BYSL: variants seen among roughly 807,000 people sequenced by gnomAD.
The protein encoded by BYSL is bystin.
A neutral mutation model predicts 45.4 loss-of-function variants in BYSL; 21 were observed. The observed-to-expected ratio is 0.46, with a 90% CI of 0.33 to 0.67. BYSL has a LOEUF of 0.67. Ranked by LOEUF, BYSL falls within the 30% of genes least tolerant of loss-of-function variation. BYSL has a pLI of 0.02. For synonymous variants in BYSL, 215 were observed against 231.3 expected (o/e 0.93, Z 0.64); for missense variants, 522 against 578.5 (o/e 0.90, Z 1.00).
chr6:41,917,126 G>A (rs1775334896), upstream of BYSL, among the ~76,000 whole-genome samples: 1 of 152,084 alleles, frequency 6.6e-6, no homozygotes, highest in Admixed American at 6.6e-5. Context: ...TTTTGGCCAG[G>A]CGTGGTGGCT....
rs1295522779 is a variant in BYSL at position 41,921,520 on chromosome 6, C to G, written c.-43C>G. On this transcript the variant is annotated 5_prime_UTR_variant, in exon 1 of 7. Transcript: ENST00000230340. ...GCGCAAGCGCATCCTGGCCTTTCTT[C>G]AGTCCCCACGTGCGATCCTTCCCGG... 1.3e-6 allele frequency: 2 copies of G among 1,526,426 alleles called. No individual in the cohort carries two copies. Among genetic ancestry groups the G allele is most frequent in the East Asian group, 2.3e-5 (1 of 43,486 alleles). 94.6% of individuals were successfully genotyped at this position (1,526,426 alleles called of 1,614,324 possible). A position where few individuals can be genotyped will look rare whatever the true frequency, so the allele number is the denominator to read the frequency against.
the BYSL span, chr6:41,909,583 G>A: frequency 7.6e-6 from 12 of 1,583,790 alleles, no homozygotes; most frequent in Non-Finnish European, 1.7e-6. Flanking sequence ...CCAGAGTAGA[G>A]TCAAATGACT....
chr6:41,910,402 C>A, the BYSL span, among the ~76,000 whole-genome samples: 2 of 151,624 alleles, frequency 1.3e-5, no homozygotes, highest in African/African-American at 4.8e-5. Context: ...GAGGCTGAGG[C>A]GGGTGGATCA....
At chr6:41,916,283 AAAATAAAAT>A in the BYSL span, among the ~76,000 whole-genome samples, 1 of 151,640 alleles carries the variant, frequency 6.6e-6, no homozygotes, top group Non-Finnish European at 1.5e-5. Context: ...AAAATAAAAT[AAAATAAAAT>A]AAAGTGGCCG....
chr6:41,931,894 C>A, intron 6 of BYSL, 64 bp downstream of exon 6: 1 of 1,477,062 alleles, frequency 6.8e-7, no homozygotes, highest in Non-Finnish European at 9.5e-7. Flanking sequence ...ATTGCCAGGA[C>A]TTGGGAATGG....
intron 2 of BYSL, 53 bp downstream of exon 2, chr6:41,927,589 A>G: frequency 1.3e-6 from 2 of 1,596,338 alleles, no homozygotes; most frequent in South Asian, 2.2e-5. Flanking sequence ...CCCACAGGAA[A>G]ACAAGTTCCC....
chr6:41,912,118 A>C, the BYSL span, among the ~76,000 whole-genome samples: 26 of 150,110 alleles, frequency 1.7e-4, no homozygotes, highest in Admixed American at 6.7e-5. Context: ...GCATGAACAC[A>C]GCTCACTGAA....
upstream of BYSL, among the ~76,000 whole-genome samples, chr6:41,919,260 A>G (rs1482112882): frequency 1.3e-5 from 2 of 152,256 alleles, no homozygotes; most frequent in African/African-American, 2.4e-5. Flanking sequence ...CTTGATGTCC[A>G]TGCTCTTAAC....
At position 41,932,326 on chromosome 6, in the gene BYSL, C is replaced by G; in HGVS notation, c.969-35C>G. 2 of 1,576,150 alleles carry G rather than the reference C, an allele frequency of 1.3e-6. No homozygotes were observed. Among genetic ancestry groups the G allele is most frequent in the Non-Finnish European group, 1.7e-6 (2 of 1,158,826 alleles). ...GTAGGATCCTTCTTCCAATGTTTTCCCTGCTTACTCTACCCCACCTCCCTT... is the reference window on the plus strand; with the variant it reads ...GTAGGATCCTTCTTCCAATGTTTTCGCTGCTTACTCTACCCCACCTCCCTT... On this transcript the variant is annotated intron_variant, in intron 6 of 6. Coordinates refer to ENST00000230340, the MANE Select transcript of BYSL (RefSeq NM_004053.4). The surrounding 1 kb of genome is among the most constrained non-coding windows in gnomAD (Gnocchi z 4.7).
At chr6:41,909,634 A>G in the BYSL span, 58 of 1,480,400 alleles carry the variant, frequency 3.9e-5, no homozygotes, top group Non-Finnish European at 5.3e-5. Flanking sequence ...GCACTACCTC[A>G]GCAGTTCTTG....
upstream of BYSL, chr6:41,920,679 A>C (rs78677239): frequency 3.8e-6 from 1 of 261,574 alleles, no homozygotes; most frequent in Middle Eastern, 1.1e-3. Context: ...GGACTACAGG[A>C]GAATCGCTTG....
intron 1 of BYSL, among the ~76,000 whole-genome samples, chr6:41,922,349 G>C (rs1005716807): frequency 6.6e-6 from 1 of 152,238 alleles, no homozygotes; most frequent in Non-Finnish European, 1.5e-5. Context: ...AAACGAATGG[G>C]AAGTGTTATG....
chr6:41,914,295 G>A, the BYSL span, among the ~76,000 whole-genome samples: 2 of 152,198 alleles, frequency 1.3e-5, no homozygotes, highest in African/African-American at 4.8e-5. Flanking sequence ...CAGAGGGAGA[G>A]GAACACTGTG....
chr6:41,931,853 G>C (rs1448401643), intron 6 of BYSL, 23 bp downstream of exon 6: 3 of 1,596,592 alleles, frequency 1.9e-6, no homozygotes, highest in Non-Finnish European at 2.6e-6. Flanking sequence ...GGGGTGGAAG[G>C]GGGCTGGTCA....
chr6:41,929,859 G>A (rs1775612494), intron 2 of BYSL, among the ~76,000 whole-genome samples: 1 of 152,226 alleles, frequency 6.6e-6, no homozygotes, highest in South Asian at 2.1e-4. Context: ...TTGAACCTGG[G>A]CAGACTGACT....
upstream of BYSL, chr6:41,921,228 C>T (rs957733088): frequency 1.5e-6 from 1 of 667,652 alleles, no homozygotes; most frequent in Admixed American, 3.2e-5. Flanking sequence ...ACATCATCTG[C>T]GGATTCCCGC....
intron 1 of BYSL, among the ~76,000 whole-genome samples, chr6:41,925,381 T>G (rs78398256): frequency 7.8e-4 from 118 of 151,370 alleles, no homozygotes; most frequent in Non-Finnish European, 1.3e-3. Flanking sequence ...TTTTTTTTTT[T>G]AAGACGGAGT....
chr6:41,930,459 G>T (rs899991493), intron 3 of BYSL, 176 bp from the exon 4 acceptor site: 51 of 1,206,840 alleles, frequency 4.2e-5, no homozygotes, highest in Non-Finnish European at 5.5e-5. Flanking sequence ...TCCTTGGGTC[G>T]GTTACTGGAA....
At chr6:41,931,613 A>G (rs2127386764) in intron 5 of BYSL, 57 bp downstream of exon 5, 1 of 1,612,816 alleles carries the variant, frequency 6.2e-7, no homozygotes, top group East Asian at 2.2e-5. Context: ...TGGGGAACAC[A>G]GCAGGCCTGG....
Sources: gnomAD v4.1 joint callset for allele counts (sites outside exome capture counted in the v4.1 genomes callset) on GRCh38, gnomAD v4.1.1 for gene constraint, Gnocchi (gnomAD v3.1) non-coding constraint, MANE v1.5 for transcripts, NCBI Gene and HGNC (gene_info 2026-07-23, HGNC 2026-07-21) for gene names.